PCSK6: variants seen among roughly 807,000 people sequenced by gnomAD.
The protein encoded by PCSK6 is paired basic amino acid cleaving enzyme 4.
Under a neutral mutation model 123.3 loss-of-function variants are expected in PCSK6, and 85 were observed. The ratio of observed to expected loss-of-function variants is 0.69; its 90% CI spans 0.58 to 0.83. The LOEUF is 0.83. Ranked by LOEUF, PCSK6 falls within the 40% of genes least tolerant of loss-of-function variation. The pLI is 0.00. For missense variants in PCSK6, 1,191 were observed against 1,282.3 expected (o/e 0.93, Z 1.09); for synonymous variants, 508 against 516.0 (o/e 0.98, Z 0.21).
intron 11 of PCSK6, among the ~76,000 whole-genome samples, chr15:101,381,878 G>A (rs1452162829): frequency 6.6e-6 from 1 of 152,254 alleles, no homozygotes; most frequent in Admixed American, 6.5e-5. Context: ...TACAAAAGGG[G>A]AAGAGGCCTC....
At chr15:101,330,301 C>G (rs72770738) in intron 15 of PCSK6, among the ~76,000 whole-genome samples, 22,719 of 152,210 alleles carry the variant, frequency 0.15, 2,075 homozygotes, top group Admixed American at 0.27. Context: ...TCCCTCGTCC[C>G]CCTCGCTCAC....
intron 19 of PCSK6, among the ~76,000 whole-genome samples, chr15:101,317,790 G>T (rs533876265): frequency 6.6e-6 from 1 of 152,342 alleles, no homozygotes; most frequent in African/African-American, 2.4e-5. Context: ...CGTGTTCAAA[G>T]TGGGCCTTTG....
Position 101,331,974 on chromosome 15 carries a change from G to A in PCSK6, c.1916C>T (p.Thr639Ile), listed in dbSNP as rs1058291. The change falls in exon 14 of 22, where the codon ACC (threonine) becomes ATC (isoleucine). Residue 639 changes from threonine to isoleucine, a missense_variant. Thr to Ile is a moderately conservative substitution (Grantham distance 89, BLOSUM62 -1). This residue lies in a region of PCSK6 where 630 missense variants were observed against 631.4 expected (regional missense o/e 1.00). Transcript: ENST00000611716. ...LYGTAEHPYH[T>I]FSAHQSRSRM... ...CGAGCGGGACTGATGGGCACTGAAG[G>A]TGTGGTACGGGTGCTCTGCTGTGCC... The A allele has an allele frequency of 6.5e-3, 10,528 of 1,613,708 alleles. 550 individuals carry two copies. In the African/African-American group the frequency reaches 0.12, roughly 18 times the overall value.
At chr15:101,454,975 TG>T (rs774163019) in intron 1 of PCSK6, among the ~76,000 whole-genome samples, 1,581 of 135,714 alleles carry the variant, frequency 0.012, 26 homozygotes, top group Non-Finnish European at 0.012. Flanking sequence ...AATGAATGAA[TG>T]AATGAATAAA....
At chr15:101,476,489 C>T (rs756642805) in intron 1 of PCSK6, among the ~76,000 whole-genome samples, 5 of 149,606 alleles carry the variant, frequency 3.3e-5, no homozygotes, top group African/African-American at 4.9e-5. Flanking sequence ...ATTCCCAAGA[C>T]GTCCCACTGT....
At chr15:101,421,079 T>G (rs1163566718) in intron 6 of PCSK6, among the ~76,000 whole-genome samples, 1 of 152,212 alleles carries the variant, frequency 6.6e-6, no homozygotes, top group Non-Finnish European at 1.5e-5. Flanking sequence ...CCCAAGTAGC[T>G]GGGACTACAG....
At chr15:101,335,248 C>T (rs889027347) in intron 13 of PCSK6, among the ~76,000 whole-genome samples, 1 of 152,202 alleles carries the variant, frequency 6.6e-6, no homozygotes, top group African/African-American at 2.4e-5. Flanking sequence ...GTGTGAGCCA[C>T]GCGCCCAGCC....
rs2042495722 is a variant in PCSK6, at chr15:101,398,690, CA to C, written c.824-115del. ...ACCGCATCACAGAGTCCCTCCCCAG[CA>C]GGGGCTGTTCCCAGTCATTCTGCAA... On this transcript the variant is annotated intron_variant, in intron 6 of 21. Transcript: ENST00000611716. This position sits in a 1 kb window ranked among gnomAD's most constrained non-coding sequence, Gnocchi z 4.6. The C allele has an allele frequency of 8.6e-7, 1 of 1,156,150 alleles. No individual in the cohort carries two copies. The highest frequency in any genetic ancestry group is 1.5e-5 in the African/African-American group (1 of 65,162). 71.6% of individuals were successfully genotyped at this position (1,156,150 alleles called of 1,614,324 possible).
intron 2 of PCSK6, among the ~76,000 whole-genome samples, chr15:101,435,784 T>TA: frequency 6.6e-6 from 1 of 152,014 alleles, no homozygotes; most frequent in Non-Finnish European, 1.5e-5. Flanking sequence ...TAAGACGAGG[T>TA]AAAATCTAAG....
rs1567132094 is a variant in PCSK6, at chr15:101,305,281, GGCA to G, written c.2884_2886del (p.Cys962del). The G allele has an allele frequency of 1.9e-6, 3 of 1,612,074 alleles. No individual in the cohort carries two copies. The highest frequency in any genetic ancestry group is 1.7e-6 in the Non-Finnish European group (2 of 1,179,688). ...CCTTACCCGGCCAGGAGGCACGTGC[GGCA>G]GCAGAACTGAATGAAGAGCTTCCGT... is the stretch of plus-strand genomic sequence containing the variant. On this transcript the variant is annotated inframe_deletion, in exon 22 of 22. Coordinates refer to ENST00000611716, the MANE Select transcript of PCSK6 (RefSeq NM_002570.5). The surrounding 1 kb of genome is among the most constrained non-coding windows in gnomAD (Gnocchi z 4.8).
chr15:101,418,901 T>G lies in PCSK6; in HGVS notation c.823+8991A>C, dbSNP rs568967323. 1.2e-4 allele frequency among the ~76,000 whole-genome samples: 19 copies of G among 152,366 alleles called. No homozygotes were observed. The South Asian group carries it at 3.3e-3, about 27-fold the overall frequency. ...ACAATATAATAATCTCAATAGATACTTTTAAATATTCAACATCCATTCCTG... is the reference window on the plus strand; with the variant it reads ...ACAATATAATAATCTCAATAGATACGTTTAAATATTCAACATCCATTCCTG... On this transcript the variant is annotated intron_variant, in intron 6 of 21. Transcript: ENST00000611716.
At position 101,378,873 on chromosome 15, in the gene PCSK6, C is replaced by T. The variant is rs115912879; in HGVS notation, c.1532+3219G>A. ...CCATGGATGGCCTTTTTTCAAATGACGGAGCTGCCTCCTGAAGGGGACTGT... is the reference window on the plus strand; with the variant it reads ...CCATGGATGGCCTTTTTTCAAATGATGGAGCTGCCTCCTGAAGGGGACTGT... On this transcript the variant is annotated intron_variant, in intron 11 of 21. Coordinates refer to ENST00000611716, the MANE Select transcript of PCSK6 (RefSeq NM_002570.5). Among the ~76,000 whole-genome samples the T allele has an allele frequency of 2.0e-3, 312 of 152,336 alleles. 1 individual carries two copies. Among genetic ancestry groups the T allele is most frequent in the African/African-American group, 6.9e-3 (286 of 41,586 alleles).
intron 1 of PCSK6, among the ~76,000 whole-genome samples, chr15:101,483,067 A>G (rs567789415): frequency 5.6e-4 from 86 of 152,276 alleles, no homozygotes; most frequent in African/African-American, 2.0e-3. Flanking sequence ...CTCAGTTCAC[A>G]CCCAGAACCT....
At chr15:101,452,248 C>T (rs918482316) in intron 1 of PCSK6, among the ~76,000 whole-genome samples, 6 of 152,254 alleles carry the variant, frequency 3.9e-5, no homozygotes, top group Admixed American at 1.3e-4. Context: ...CCAAATGGTC[C>T]GGCTTCGGAT....
intron 6 of PCSK6, among the ~76,000 whole-genome samples, chr15:101,408,395 A>G (rs1399880707): frequency 2.6e-5 from 4 of 152,222 alleles, no homozygotes; most frequent in African/African-American, 9.6e-5. Context: ...AGGGCTATGC[A>G]GCCCACAGCA....
chr15:101,326,612 C>A (rs1364120323), intron 15 of PCSK6, 133 bp from the exon 16 acceptor site: 2 of 804,234 alleles, frequency 2.5e-6, no homozygotes, highest in African/African-American at 1.7e-5. Flanking sequence ...TGGGGCTGGA[C>A]GGCCAGACGA....
At chr15:101,472,164 C>T (rs371191493) in intron 1 of PCSK6, among the ~76,000 whole-genome samples, 12 of 152,340 alleles carry the variant, frequency 7.9e-5, no homozygotes, top group South Asian at 4.1e-4. Context: ...CTCTGACTGA[C>T]GGCACTTGTT....
chr15:101,399,171 G>C (rs1022250102), intron 6 of PCSK6, among the ~76,000 whole-genome samples: 16 of 152,208 alleles, frequency 1.1e-4, no homozygotes, highest in African/African-American at 3.9e-4. Flanking sequence ...AAAGTGCTGG[G>C]CTTACAGGCG....
intron 13 of PCSK6, among the ~76,000 whole-genome samples, chr15:101,362,414 C>T (rs1013027829): frequency 6.6e-6 from 1 of 152,176 alleles, no homozygotes; most frequent in Non-Finnish European, 1.5e-5. Context: ...GCTTTGGGCA[C>T]CACCAGCAGG....
Sources: allele counts gnomAD v4.1 joint callset (sites outside exome capture counted in the v4.1 genomes callset), GRCh38; gene constraint gnomAD v4.1.1; regional missense constraint gnomAD v4.1.1; non-coding constraint Gnocchi (gnomAD v3.1); transcripts MANE v1.5; gene names NCBI Gene and HGNC (gene_info 2026-07-23, HGNC 2026-07-21).